The following LRP12 variants were observed in gnomAD, a reference collection of about 807,000 sequenced individuals.
The protein encoded by LRP12 is LDL receptor related protein 12.
Under a neutral mutation model 66.0 loss-of-function variants are expected in LRP12, and 14 were observed. That is an observed-to-expected ratio of 0.21 (90% CI 0.14 to 0.33). The LOEUF is 0.33. Among genes scored for constraint, LRP12 ranks in the 10% least tolerant of loss-of-function variants. The probability of loss-of-function intolerance (pLI) is 1.00; values close to 1 mark genes in which losing one functional copy is unlikely to be tolerated. For missense variants in LRP12, 889 were observed against 1,053.4 expected (o/e 0.84, Z 2.16); for synonymous variants, 357 against 359.1 (o/e 0.99, Z 0.07).
chr8:104,588,970 A>ACGCCGCCAC lies in LRP12; in HGVS notation c.-74_-73insGTGGCGGCG. The ACGCCGCCAC allele has an allele frequency of 1.2e-5, 7 of 600,562 alleles. No homozygotes were observed. The East Asian group carries it at 2.7e-4, about 23-fold the overall frequency. 37.2% of individuals were successfully genotyped at this position (600,562 alleles called of 1,614,324 possible). A position where few individuals can be genotyped will look rare whatever the true frequency, so the allele number is the denominator to read the frequency against. ...GAGAAGCTGGAGGTAGACGACGCCG[A>ACGCCGCCAC]CGCCGCCGCCGCCGCCGCCGCCGCC... On this transcript the variant is annotated 5_prime_UTR_variant, in exon 1 of 7. Coordinates refer to ENST00000276654, the MANE Select transcript of LRP12 (RefSeq NM_013437.5).
chr8:104,566,054 A>G (rs1474842203), intron 1 of LRP12: 3 of 204,626 alleles, frequency 1.5e-5, no homozygotes, highest in Non-Finnish European at 2.9e-5. Flanking sequence ...ACTTCAAAAA[A>G]AATGGCAGGT....
intron 1 of LRP12, among the ~76,000 whole-genome samples, chr8:104,581,984 ATTC>A (rs1415676126): frequency 2.6e-5 from 4 of 152,212 alleles, no homozygotes; most frequent in Non-Finnish European, 4.4e-5. Flanking sequence ...TACAAAGATT[ATTC>A]TTATGTTTTC....
At chr8:104,507,149 A>G (rs1810922310) in intron 3 of LRP12, 1 of 152,200 alleles carries the variant, frequency 6.6e-6, no homozygotes, top group African/African-American at 2.4e-5. Context: ...AGATTATGCA[A>G]TGATAATCAT....
In LRP12 at chr8:104,497,564, G is replaced by A. The variant is rs144112693; in HGVS notation, c.988C>T (p.Arg330Cys). The change falls in exon 5 of 7, where the codon CGT becomes TGT. Residue 330 changes from arginine (R) to cysteine (C), a missense_variant. Arg to Cys is a radical substitution (Grantham distance 180). Around this residue, in one of 3 missense-constraint regions of LRP12, gnomAD observed 800 missense variants for 964.5 expected, o/e 0.83. Transcript: ENST00000276654. The surrounding 1 kb of genome is among the most constrained non-coding windows in gnomAD (Gnocchi z 4.3). ...GLEENPHKLL[R>C]VLTAFDSHAP... ...TGAGAATCAAAAGCTGTCAACACAC[G>A]CAAAAGCTTGTGTGGATTCTCCTCT... is the stretch of plus-strand genomic sequence containing the variant. 6.8e-6 allele frequency: 11 copies of A among 1,613,396 alleles called. No individual in the cohort carries two copies. Among genetic ancestry groups the A allele is most frequent in the Admixed American group, 3.3e-5 (2 of 59,940 alleles).
intron 6 of LRP12, among the ~76,000 whole-genome samples, 190 bp from the exon 7 acceptor site, chr8:104,491,729 A>G (rs1810634768): frequency 6.6e-6 from 1 of 152,188 alleles, no homozygotes; most frequent in Non-Finnish European, 1.5e-5. Flanking sequence ...AATCTAATCT[A>G]CTAATCTAAC....
At position 104,542,388 on chromosome 8, in the gene LRP12, T is replaced by C. The variant is rs545339484; in HGVS notation, c.80-10425A>G. On this transcript the variant is annotated intron_variant, in intron 1 of 6. Transcript: ENST00000276654. Reference sequence around the variant, plus strand: ...TTGTTTAAGAGTTCTTTAGACATTGTAGATATTGATCCCTTGGTTAGATAC... The same window carrying C: ...TTGTTTAAGAGTTCTTTAGACATTGCAGATATTGATCCCTTGGTTAGATAC... 1.1e-4 allele frequency among the ~76,000 whole-genome samples: 17 copies of C among 152,348 alleles called. No homozygotes were observed. In the South Asian group the frequency reaches 2.1e-3, roughly 19 times the overall value.
At position 104,491,213 on chromosome 8, in the gene LRP12, A is replaced by C. The variant is rs755136368; in HGVS notation, c.2040T>G (p.Pro680=). The change falls in exon 7 of 7, where the codon CCT becomes CCG. Residue 680 remains proline (P), a synonymous_variant. Transcript: ENST00000276654. ...CTGTCGCTTCTACTGCCGTTGTGGG[A>C]GGGACTTTTTGAGGCAAAGGAGCTG... The part of the protein sequence containing the change: ...GVAAPLPQKV[P]PTTAVEATVG... 10 of 1,613,786 alleles carry C rather than the reference A, an allele frequency of 6.2e-6. No individual in the cohort carries two copies. The East Asian group carries it at 2.2e-4, about 36-fold the overall frequency.
intron 1 of LRP12, among the ~76,000 whole-genome samples, chr8:104,537,561 C>T (rs1436501991): frequency 6.6e-6 from 1 of 152,052 alleles, no homozygotes; most frequent in Non-Finnish European, 1.5e-5. Context: ...TCCACCCACA[C>T]CTTAGGAGTA....
At chr8:104,503,087 T>C (rs751953233) in intron 3 of LRP12, among the ~76,000 whole-genome samples, 5 of 152,090 alleles carry the variant, frequency 3.3e-5, no homozygotes, top group Non-Finnish European at 7.4e-5. Flanking sequence ...AATTTTTTAT[T>C]TTTGCTTTAT....
At chr8:104,525,550 T>C (rs1370282185) in intron 2 of LRP12, among the ~76,000 whole-genome samples, 1 of 152,174 alleles carries the variant, frequency 6.6e-6, no homozygotes, top group African/African-American at 2.4e-5. Context: ...ATGAAGCCCT[T>C]AATACTATGC....
chr8:104,568,637 C>T (rs951566899), intron 1 of LRP12, among the ~76,000 whole-genome samples: 1 of 152,088 alleles, frequency 6.6e-6, no homozygotes, highest in African/African-American at 2.4e-5. Flanking sequence ...GACATTTCTT[C>T]AGAGTATAAA....
intron 1 of LRP12, among the ~76,000 whole-genome samples, chr8:104,557,350 C>A (rs1197679916): frequency 6.6e-6 from 1 of 152,062 alleles, no homozygotes; most frequent in East Asian, 1.9e-4. Flanking sequence ...TCGCTGTTTG[C>A]CAATGATATA....
At chr8:104,532,492 A>G (rs1385604329) in intron 1 of LRP12, among the ~76,000 whole-genome samples, 1 of 152,124 alleles carries the variant, frequency 6.6e-6, no homozygotes, top group Non-Finnish European at 1.5e-5. Flanking sequence ...CCTCAAATTA[A>G]TGTAAGCAAT....
chr8:104,532,264 T>C (rs950357337), intron 1 of LRP12, among the ~76,000 whole-genome samples: 1 of 150,906 alleles, frequency 6.6e-6, no homozygotes, highest in African/African-American at 2.4e-5. Flanking sequence ...TCAGTACTGC[T>C]ACAAGAAAAA....
intron 2 of LRP12, among the ~76,000 whole-genome samples, chr8:104,523,576 TTG>T (rs1218138372): frequency 2.6e-5 from 4 of 152,302 alleles, no homozygotes; most frequent in African/African-American, 9.6e-5. Flanking sequence ...ATGTGAGCAG[TTG>T]TTATCTCCAG....
At chr8:104,556,322 A>T (rs1440834698) in intron 1 of LRP12, among the ~76,000 whole-genome samples, 1 of 152,176 alleles carries the variant, frequency 6.6e-6, no homozygotes, top group Non-Finnish European at 1.5e-5. Context: ...ATTTGAAACA[A>T]ATAAAAACAA....
chr8:104,531,013 A>G (rs1476713365), intron 2 of LRP12, among the ~76,000 whole-genome samples: 2 of 152,160 alleles, frequency 1.3e-5, no homozygotes, highest in Non-Finnish European at 2.9e-5. Context: ...TAACCCTTAG[A>G]GTATTTGTTA....
intron 1 of LRP12, among the ~76,000 whole-genome samples, chr8:104,540,168 C>T (rs1480341945): frequency 6.6e-6 from 1 of 151,892 alleles, no homozygotes; most frequent in Middle Eastern, 3.2e-3. Context: ...GATCTCTGTC[C>T]ACACATACTA....
chr8:104,519,421 C>T (rs1184173296), intron 2 of LRP12, among the ~76,000 whole-genome samples: 1 of 151,894 alleles, frequency 6.6e-6, no homozygotes, highest in East Asian at 1.9e-4. Flanking sequence ...GTTGAGTATC[C>T]CTAATCCAAA....
Sources: gnomAD v4.1 joint callset for allele counts (sites outside exome capture counted in the v4.1 genomes callset) on GRCh38, gnomAD v4.1.1 for gene constraint, gnomAD v4.1.1 regional missense constraint, Gnocchi (gnomAD v3.1) non-coding constraint, MANE v1.5 for transcripts, NCBI Gene and HGNC (gene_info 2026-07-23, HGNC 2026-07-21) for gene names.